OPCML: variants seen among roughly 807,000 people sequenced by gnomAD.
The protein encoded by OPCML is opioid-binding protein/cell adhesion molecule.
Under a neutral mutation model 37.8 loss-of-function variants are expected in OPCML, and 13 were observed. The observed-to-expected ratio is 0.34, with a 90% CI of 0.22 to 0.55. The LOEUF is 0.55. Among genes scored for constraint, OPCML ranks in the 20% least tolerant of loss-of-function variants. The pLI, the probability that OPCML is intolerant of heterozygous loss-of-function variation, is 0.91. For missense variants in OPCML, 341 were observed against 435.6 expected (o/e 0.78, Z 1.93); for synonymous variants, 176 against 168.8 (o/e 1.04, Z -0.33).
intron 2 of OPCML, among the ~76,000 whole-genome samples, chr11:132,729,436 G>A (rs558645376): frequency 6.6e-5 from 10 of 152,170 alleles, no homozygotes; most frequent in Middle Eastern, 3.4e-3. Context: ...AAGGTTAAAC[G>A]GGCTGGTCAA....
chr11:133,486,090 A>G (rs983658893), intron 1 of OPCML, among the ~76,000 whole-genome samples: 2 of 152,182 alleles, frequency 1.3e-5, no homozygotes, highest in Non-Finnish European at 2.9e-5. Flanking sequence ...ATGAATCAAT[A>G]ATATATATGA....
At chr11:133,140,049 T>C (rs1044561669) in intron 1 of OPCML, among the ~76,000 whole-genome samples, 6 of 150,836 alleles carry the variant, frequency 4.0e-5, no homozygotes, top group African/African-American at 1.5e-4. Flanking sequence ...TTGCTAGGCG[T>C]AGTGGCGCAC....
chr11:133,141,322 T>C (rs150444068), intron 1 of OPCML, among the ~76,000 whole-genome samples: 1 of 152,132 alleles, frequency 6.6e-6, no homozygotes, highest in African/African-American at 2.4e-5. Flanking sequence ...TTGTTTTTTC[T>C]CTCTCTTTGG....
intron 1 of OPCML, among the ~76,000 whole-genome samples, chr11:133,003,273 A>G (rs1947044040): frequency 6.6e-6 from 1 of 152,190 alleles, no homozygotes; most frequent in African/African-American, 2.4e-5. Flanking sequence ...CACTGAGCCC[A>G]TATCAAGTGC....
At chr11:132,436,397 A>G (rs959981391) in intron 6 of OPCML, 160 bp from the exon 7 acceptor site, 2 of 983,552 alleles carry the variant, frequency 2.0e-6, no homozygotes, top group Admixed American at 6.1e-5. Flanking sequence ...CCAATGGGAT[A>G]AATGTACTGG....
chr11:132,813,534 A>G (rs982189718), intron 2 of OPCML, among the ~76,000 whole-genome samples: 1 of 152,194 alleles, frequency 6.6e-6, no homozygotes, highest in Non-Finnish European at 1.5e-5. Context: ...AGCCTGCAGC[A>G]GCAACCTTCT....
chr11:132,905,484 C>T (rs998997777), intron 2 of OPCML, among the ~76,000 whole-genome samples: 1 of 152,030 alleles, frequency 6.6e-6, no homozygotes, highest in Non-Finnish European at 1.5e-5. Flanking sequence ...TCACCTGCCT[C>T]GGCCTCCCAA....
At chr11:133,236,683 T>C (rs1247017920) in intron 1 of OPCML, among the ~76,000 whole-genome samples, 1 of 152,256 alleles carries the variant, frequency 6.6e-6, no homozygotes, top group Non-Finnish European at 1.5e-5. Flanking sequence ...GGCATGCTTA[T>C]AATGGTCCAA....
chr11:132,740,820 C>A (rs1259589240), intron 2 of OPCML, among the ~76,000 whole-genome samples: 1 of 152,084 alleles, frequency 6.6e-6, no homozygotes, highest in African/African-American at 2.4e-5. Context: ...TGTATTTATT[C>A]CAAAGTATTT....
chr11:132,995,402 G>C (rs1187236167), intron 1 of OPCML, among the ~76,000 whole-genome samples: 1 of 151,784 alleles, frequency 6.6e-6, no homozygotes, highest in African/African-American at 2.4e-5. Context: ...TGGAAAGTTG[G>C]AATTGGAATT....
At position 133,211,319 on chromosome 11, in the gene OPCML, T is replaced by C. The variant is rs145965562; in HGVS notation, c.62-268309A>G. On this transcript the variant is annotated intron_variant, in intron 1 of 7. Coordinates refer to ENST00000524381, the MANE Select transcript of OPCML (RefSeq NM_001012393.5). The surrounding 1 kb of genome is among the most constrained non-coding windows in gnomAD (Gnocchi z 4.1). ...ACCCAGCACCTAAAAATCCACTCTTTAAGCATAATAGTCTATTGATTACCT... is the reference window on the plus strand; with the variant it reads ...ACCCAGCACCTAAAAATCCACTCTTCAAGCATAATAGTCTATTGATTACCT... 2.0e-3 allele frequency among the ~76,000 whole-genome samples: 301 copies of C among 152,294 alleles called. 4 individuals are homozygous for C. Among genetic ancestry groups the C allele is most frequent in the African/African-American group, 6.3e-3 (260 of 41,558 alleles).
At chr11:133,120,237 T>TA (rs1297827401) in intron 1 of OPCML, among the ~76,000 whole-genome samples, 1 of 152,176 alleles carries the variant, frequency 6.6e-6, no homozygotes, top group African/African-American at 2.4e-5. Flanking sequence ...CAAACACACA[T>TA]ACACACACGC....
intron 1 of OPCML, among the ~76,000 whole-genome samples, chr11:133,324,741 T>C (rs750171294): frequency 6.6e-6 from 1 of 152,180 alleles, no homozygotes; most frequent in African/African-American, 2.4e-5. Flanking sequence ...AATGTTTTAT[T>C]CTTCAAAAGG....
intron 1 of OPCML, among the ~76,000 whole-genome samples, chr11:132,978,446 T>C (rs2136779773): frequency 6.6e-6 from 1 of 152,270 alleles, no homozygotes; most frequent in Non-Finnish European, 1.5e-5. Flanking sequence ...GAGCTGAATC[T>C]CATCCAGCTG....
Position 132,569,327 on chromosome 11 carries a change from A to G in OPCML, c.380-40141T>C, listed in dbSNP as rs572711924. On this transcript the variant is annotated intron_variant, in intron 3 of 7. Coordinates refer to ENST00000524381, the MANE Select transcript of OPCML (RefSeq NM_001012393.5). ...GGAGAAGATGGCCATCAACAAGCCAACGTGAAAGGCTTCCGAAGCAATCAA... is the reference window on the plus strand; with the variant it reads ...GGAGAAGATGGCCATCAACAAGCCAGCGTGAAAGGCTTCCGAAGCAATCAA... Among the ~76,000 whole-genome samples, 12 of 152,348 alleles carry G rather than the reference A, an allele frequency of 7.9e-5. No homozygotes were observed. The East Asian group carries it at 1.9e-3, about 25-fold the overall frequency.
intron 1 of OPCML, among the ~76,000 whole-genome samples, chr11:133,207,425 C>G (rs928911287): frequency 1.5e-4 from 23 of 152,170 alleles, no homozygotes; most frequent in Non-Finnish European, 1.5e-5. Flanking sequence ...TCAGATGTTT[C>G]TCCAACTAAT....
At position 132,695,941 on chromosome 11, in the gene OPCML, G is replaced by C. The variant is rs116453665; in HGVS notation, c.147-38622C>G. Among the ~76,000 whole-genome samples the C allele has an allele frequency of 7.5e-4, 114 of 152,224 alleles. 1 individual carries two copies. Among genetic ancestry groups the C allele is most frequent in the African/African-American group, 2.6e-3 (106 of 41,528 alleles). ...GCTTGGAATTGAAGGCAGAGGTATG[G>C]AGGGCAGAAATGAGCAGTGGGGCCA... On this transcript the variant is annotated intron_variant, in intron 2 of 7. Coordinates refer to ENST00000524381, the MANE Select transcript of OPCML (RefSeq NM_001012393.5).
intron 4 of OPCML, among the ~76,000 whole-genome samples, chr11:132,511,570 T>A (rs2096268927): frequency 6.6e-6 from 1 of 151,958 alleles, no homozygotes; most frequent in Admixed American, 6.6e-5. Context: ...GACATATAGA[T>A]GAATAGAAAA....
At chr11:132,910,283 C>T (rs1197248568) in intron 2 of OPCML, among the ~76,000 whole-genome samples, 2 of 152,226 alleles carry the variant, frequency 1.3e-5, no homozygotes, top group Non-Finnish European at 2.9e-5. Flanking sequence ...ACATATTCGC[C>T]GGCCATTATG....
Sources: gnomAD v4.1 joint callset for allele counts (sites outside exome capture counted in the v4.1 genomes callset) on GRCh38, gnomAD v4.1.1 for gene constraint, Gnocchi (gnomAD v3.1) non-coding constraint, MANE v1.5 for transcripts, NCBI Gene and HGNC (gene_info 2026-07-23, HGNC 2026-07-21) for gene names.